The following IPO11 variants were observed in gnomAD, a reference collection of about 807,000 sequenced individuals.
IPO11 encodes the protein importin 11.
IPO11 carries 66 observed loss-of-function variants against 143.2 expected under a neutral mutation model. That is an observed-to-expected ratio of 0.46 (90% CI 0.38 to 0.57). IPO11 has a LOEUF of 0.57. Ranked by LOEUF, IPO11 falls within the 20% of genes least tolerant of loss-of-function variation. The pLI, the probability that IPO11 is intolerant of heterozygous loss-of-function variation, is 0.00. For synonymous variants in IPO11, 385 were observed against 377.8 expected (o/e 1.02, Z -0.22); for missense variants, 1,026 against 1,141.0 (o/e 0.90, Z 1.45).
At chr5:62,514,188 G>T (rs1214673033) in intron 19 of IPO11, among the ~76,000 whole-genome samples, 1 of 151,766 alleles carries the variant, frequency 6.6e-6, no homozygotes, top group Non-Finnish European at 1.5e-5. Context: ...CCCAGACGGG[G>T]TGGCGGCCGG....
intron 24 of IPO11, among the ~76,000 whole-genome samples, chr5:62,545,004 T>C (rs1487574256): frequency 6.6e-6 from 1 of 152,080 alleles, no homozygotes; most frequent in Non-Finnish European, 1.5e-5. Flanking sequence ...ATCAATATCG[T>C]GAAAATGGCC....
At chr5:62,584,958 C>T (rs1744716227) in intron 27 of IPO11, among the ~76,000 whole-genome samples, 1 of 152,066 alleles carries the variant, frequency 6.6e-6, no homozygotes, top group East Asian at 1.9e-4. Context: ...TCCAAGATAC[C>T]TTGTGATAGA....
chr5:62,553,030 C>CTA (rs777596999), intron 26 of IPO11, among the ~76,000 whole-genome samples: 1 of 152,126 alleles, frequency 6.6e-6, no homozygotes, highest in Non-Finnish European at 1.5e-5. Context: ...TCCTGCAGTG[C>CTA]TATATAGAAC....
At chr5:62,485,336 A>G (rs1746359891) in intron 11 of IPO11, 83 bp from the exon 12 acceptor site, 2 of 1,117,194 alleles carry the variant, frequency 1.8e-6, no homozygotes, top group South Asian at 1.3e-5. Flanking sequence ...GAGTTCACAA[A>G]AATATTATAC....
chr5:62,494,171 C>A, intron 16 of IPO11, 47 bp downstream of exon 16: 1 of 1,531,172 alleles, frequency 6.5e-7, no homozygotes, highest in African/African-American at 1.4e-5. Flanking sequence ...AAAGTTTCAT[C>A]TGTGCAAATC....
intron 26 of IPO11, among the ~76,000 whole-genome samples, chr5:62,552,461 A>G (rs1386978395): frequency 6.7e-6 from 1 of 150,172 alleles, no homozygotes; most frequent in Non-Finnish European, 1.5e-5. Context: ...ATGGGGTAAT[A>G]TATATTTTTT....
chr5:62,599,171 A>G (rs1261845296), intron 28 of IPO11, among the ~76,000 whole-genome samples: 7 of 152,188 alleles, frequency 4.6e-5, no homozygotes, highest in Admixed American at 6.5e-5. Flanking sequence ...AAGCCCTTCA[A>G]GTGGTTGAGC....
intron 1 of IPO11, among the ~76,000 whole-genome samples, chr5:62,415,958 C>T (rs953502305): frequency 5.9e-5 from 9 of 152,042 alleles, no homozygotes; most frequent in African/African-American, 9.7e-5. Flanking sequence ...TTGCTAGGGC[C>T]GCCACAACAA....
chr5:62,591,352 C>T (rs778060536), intron 27 of IPO11, among the ~76,000 whole-genome samples: 6 of 151,724 alleles, frequency 4.0e-5, no homozygotes, highest in South Asian at 2.1e-4. Context: ...CCTTTACTAT[C>T]GAATCTATCC....
chr5:62,502,661 G>A (rs1465439661), intron 16 of IPO11, among the ~76,000 whole-genome samples: 2 of 152,146 alleles, frequency 1.3e-5, no homozygotes, highest in African/African-American at 2.4e-5. Context: ...TTATTCAGGT[G>A]TCTTGTTTCA....
At chr5:62,598,745 A>G (rs1477916253) in intron 28 of IPO11, among the ~76,000 whole-genome samples, 2 of 151,202 alleles carry the variant, frequency 1.3e-5, no homozygotes, top group Non-Finnish European at 2.9e-5. Context: ...GGGTTTCACT[A>G]TGTTGGCCAG....
chr5:62,579,887 G>T, intron 27 of IPO11: 2 of 1,550,734 alleles, frequency 1.3e-6, no homozygotes, highest in Non-Finnish European at 1.7e-6. Flanking sequence ...GTTCCGAGAG[G>T]AGTATTTAAT....
chr5:62,556,174 C>G (rs190875316), intron 26 of IPO11, among the ~76,000 whole-genome samples: 65 of 151,942 alleles, frequency 4.3e-4, no homozygotes, highest in African/African-American at 1.6e-3. Context: ...AATGGCTTAA[C>G]TTTTGACAGG....
chr5:62,426,931 G>GTTTTTTTTTTTTTT (rs763031944), intron 1 of IPO11, among the ~76,000 whole-genome samples: 3 of 90,244 alleles, frequency 3.3e-5, no homozygotes, highest in South Asian at 4.3e-4. Context: ...TTTTCTTTCT[G>GTTTTTTTTTTTTTT]TTTTTTTTTT....
chr5:62,609,477 A>C (rs993580481), intron 29 of IPO11, among the ~76,000 whole-genome samples: 2 of 152,240 alleles, frequency 1.3e-5, no homozygotes, highest in African/African-American at 4.8e-5. Flanking sequence ...CTAGTGCCTA[A>C]CAGCATGTAT....
At chr5:62,581,059 T>G (rs1450612136) in intron 27 of IPO11, 2 of 1,549,786 alleles carry the variant, frequency 1.3e-6, no homozygotes, top group African/African-American at 2.7e-5. Context: ...AGCTTGTGTT[T>G]TAATCATTTT....
At chr5:62,466,364 C>G (rs747588044) in intron 5 of IPO11, among the ~76,000 whole-genome samples, 2 of 152,162 alleles carry the variant, frequency 1.3e-5, no homozygotes, top group Non-Finnish European at 2.9e-5. Flanking sequence ...GATGCCTGTT[C>G]TATAAATAGC....
intron 27 of IPO11, among the ~76,000 whole-genome samples, chr5:62,567,737 T>C (rs181587141): frequency 4.2e-4 from 63 of 151,604 alleles, no homozygotes; most frequent in African/African-American, 1.5e-3. Flanking sequence ...TAATTTTGTA[T>C]TTTTAGTAGA....
intron 5 of IPO11, among the ~76,000 whole-genome samples, chr5:62,456,000 C>G (rs931161510): frequency 6.6e-6 from 1 of 152,274 alleles, no homozygotes; most frequent in South Asian, 2.1e-4. Context: ...GCTGGGATTA[C>G]AGGCGTGTAC....
Sources: allele counts gnomAD v4.1 joint callset (sites outside exome capture counted in the v4.1 genomes callset), GRCh38; gene constraint gnomAD v4.1.1; transcripts MANE v1.5; gene names NCBI Gene and HGNC (gene_info 2026-07-23, HGNC 2026-07-21).